The following TBC1D8B variants were observed in gnomAD, a reference collection of about 807,000 sequenced individuals.
TBC1D8B encodes the protein RP11-321G1.1.
Under a neutral mutation model 82.9 loss-of-function variants are expected in TBC1D8B, and 75 were observed. The ratio of observed to expected loss-of-function variants is 0.90; its 90% CI spans 0.75 to 1.10. TBC1D8B has a LOEUF of 1.10. TBC1D8B is among the 50% of genes least tolerant of loss of function. The probability of loss-of-function intolerance (pLI) is 0.00; values close to 1 mark genes in which losing one functional copy is unlikely to be tolerated. For synonymous variants in TBC1D8B, 276 were observed against 276.8 expected (o/e 1.00, Z 0.03); for missense variants, 794 against 796.9 (o/e 1.00, Z 0.04).
chrX:106,822,699 A>T (rs1239666604), intron 4 of TBC1D8B, among the ~76,000 whole-genome samples: 2 of 110,570 alleles, frequency 1.8e-5, no homozygotes, highest in Non-Finnish European at 3.8e-5. Flanking sequence ...ATTTTTTTTA[A>T]AAATTATCTA....
At chrX:106,822,863 G>A (rs1408243232) in intron 4 of TBC1D8B, among the ~76,000 whole-genome samples, 2 of 108,960 alleles carry the variant, frequency 1.8e-5, no homozygotes, top group East Asian at 5.8e-4. Context: ...TACATTAGCT[G>A]GGCATGGTGG....
intron 4 of TBC1D8B, 86 bp from the exon 5 acceptor site, chrX:106,823,140 A>G: frequency 1.0e-6 from 1 of 997,499 alleles, no homozygotes; most frequent in Non-Finnish European, 1.4e-6. Flanking sequence ...TTTTCAAGGG[A>G]TTAACTATTG....
intron 7 of TBC1D8B, among the ~76,000 whole-genome samples, chrX:106,834,417 T>C (rs956980461): frequency 6.3e-5 from 7 of 111,281 alleles, no homozygotes; most frequent in African/African-American, 2.3e-4. Flanking sequence ...ATTATTACAA[T>C]TCAAGGTGAG....
In TBC1D8B at chrX:106,869,454, T is replaced by G. The variant is rs370817329; in HGVS notation, c.2813-31T>G. ...TTTCAAAGAGTATTTGTTAAACATC[T>G]TACAGAATGCAATTACATCTTTTCT... On this transcript the variant is annotated intron_variant, in intron 18 of 20. Coordinates refer to ENST00000357242, the MANE Select transcript of TBC1D8B (RefSeq NM_017752.3). The G allele has an allele frequency of 3.8e-4, 452 of 1,178,321 alleles. No homozygotes were observed. The South Asian group carries it at 4.2e-3, about 11-fold the overall frequency.
At position 106,848,314 on chromosome X, in the gene TBC1D8B, A is replaced by G; in HGVS notation, c.1837+11A>G. Reference sequence around the variant, plus strand: ...ATCGTCGAATTATTGGTAAAAGAAAAACCACACACACACATATGCATACAC... The same window carrying G: ...ATCGTCGAATTATTGGTAAAAGAAAGACCACACACACACATATGCATACAC... On this transcript the variant is annotated intron_variant, in intron 11 of 20. Transcript: ENST00000357242. 9.2e-7 allele frequency: 1 copy of G among 1,091,141 alleles called. No homozygotes were observed. The highest frequency in any genetic ancestry group is 1.3e-6 in the Non-Finnish European group (1 of 794,307). The allele number at this position is 1,091,141 out of a possible 1,213,427, so 89.9% of individuals were successfully genotyped here. A position where few individuals can be genotyped will look rare whatever the true frequency, so the allele number is the denominator to read the frequency against.
At chrX:106,854,636 A>G (rs1215336055) in intron 14 of TBC1D8B, among the ~76,000 whole-genome samples, 1 of 109,419 alleles carries the variant, frequency 9.1e-6, no homozygotes, top group African/African-American at 3.3e-5. Flanking sequence ...TCCTCAGCCT[A>G]CCGAGGAGCT....
intron 1 of TBC1D8B, 184 bp from the exon 2 acceptor site, chrX:106,818,479 T>G (rs765445890): frequency 6.0e-6 from 2 of 332,425 alleles, no homozygotes; most frequent in East Asian, 9.1e-5. Flanking sequence ...CAGATACTAC[T>G]CACATTGGCA....
intron 14 of TBC1D8B, among the ~76,000 whole-genome samples, chrX:106,856,866 G>T (rs1159484893): frequency 1.8e-5 from 2 of 111,318 alleles, no homozygotes; most frequent in African/African-American, 3.3e-5. Context: ...TAATATGAAT[G>T]AGATCATTTT....
chrX:106,864,779 A>T (rs886151172), intron 14 of TBC1D8B, among the ~76,000 whole-genome samples: 2 of 111,024 alleles, frequency 1.8e-5, no homozygotes, highest in East Asian at 5.7e-4. Context: ...TTGGCCTCCC[A>T]AGTGCTGGGA....
At chrX:106,841,999 A>C in intron 10 of TBC1D8B, among the ~76,000 whole-genome samples, 1 of 111,792 alleles carries the variant, frequency 8.9e-6, no homozygotes, top group Non-Finnish European at 1.9e-5. Flanking sequence ...ATGAGCAGCT[A>C]CTATGGAAGA....
At chrX:106,835,700 G>T (rs986060595) in intron 7 of TBC1D8B, among the ~76,000 whole-genome samples, 1 of 111,855 alleles carries the variant, frequency 8.9e-6, no homozygotes, top group Admixed American at 9.5e-5. Context: ...AAGTTCCACA[G>T]ATCTCTAGGG....
chrX:106,806,237 C>A (rs1032902525), intron 1 of TBC1D8B, among the ~76,000 whole-genome samples: 1 of 112,239 alleles, frequency 8.9e-6, no homozygotes, highest in Non-Finnish European at 1.9e-5. Context: ...ATTTGCCTAA[C>A]TTTATCTTAA....
At chrX:106,816,994 A>G (rs1264019883) in intron 1 of TBC1D8B, among the ~76,000 whole-genome samples, 1 of 111,406 alleles carries the variant, frequency 9.0e-6, no homozygotes, top group Non-Finnish European at 1.9e-5. Flanking sequence ...ATTCTTTTTA[A>G]GTGGGTCAAA....
At chrX:106,823,571 GT>G (rs968253956) in intron 5 of TBC1D8B, 105 bp downstream of exon 5, 64 of 909,397 alleles carry the variant, frequency 7.0e-5, no homozygotes, top group Middle Eastern at 4.3e-4. Context: ...ATATGATAGG[GT>G]TTTTTTTGGA....
At position 106,865,839 on chromosome X, in the gene TBC1D8B, T is replaced by G. The variant is rs754746087; in HGVS notation, c.2468T>G (p.Leu823Trp). 8.3e-7 allele frequency: 1 copy of G among 1,207,783 alleles called. No individual in the cohort carries two copies. Among genetic ancestry groups the G allele is most frequent in the South Asian group, 1.8e-5 (1 of 56,609 alleles). The change falls in exon 16 of 21, where the codon TTG (leucine) becomes TGG (tryptophan). Residue 823 changes from leucine to tryptophan, a missense_variant. Transcript: ENST00000357242. ...SCYWCLGCPV[L>W]KHHDPSLPYL... ...TATTGGTGTTTGGGTTGCCCAGTAT[T>G]GAAGCATCATGACCCCAGTCTGCCA...
At chrX:106,854,621 C>T (rs1335641861) in intron 14 of TBC1D8B, among the ~76,000 whole-genome samples, 1 of 110,537 alleles carries the variant, frequency 9.0e-6, no homozygotes, top group African/African-American at 3.3e-5. Context: ...TCAAGAGATC[C>T]TTCTTCCTCA....
chrX:106,802,950 G>T lies in TBC1D8B; in HGVS notation c.97G>T (p.Gly33Cys), dbSNP rs750410955. ...NDYFVLQRRR[G>C]YGEEGGGGLT... is the part of the protein sequence containing the mutation. ...CTACTTCGTGCTGCAGCGGCGTCGG[G>T]GCTACGGGGAGGAAGGCGGAGGGGG... Residue 33 changes from glycine to cysteine, a missense_variant, in exon 1 of 21, where the codon GGC becomes TGC. Transcript: ENST00000357242. 3 of 1,210,374 alleles carry T rather than the reference G, an allele frequency of 2.5e-6. No homozygotes were observed.
In TBC1D8B at chrX:106,864,512, C is replaced by CTT. The variant is rs771983121; in HGVS notation, c.2353-1022_2353-1021dup. On this transcript the variant is annotated intron_variant, in intron 14 of 20. Transcript: ENST00000357242. ...TATTGGCCCCTCCCATGCTGGGCACCTTTTTTTTTTTTTTTTTTTTTTTTT... is the reference window on the plus strand; with the variant it reads ...TATTGGCCCCTCCCATGCTGGGCACCTTTTTTTTTTTTTTTTTTTTTTTTTTT... Among the ~76,000 whole-genome samples, 81 of 82,468 alleles carry CTT rather than the reference C, an allele frequency of 9.8e-4. 5 individuals are homozygous for CTT. The highest frequency in any genetic ancestry group is 2.5e-3 in the African/African-American group (52 of 20,596). 71.6% of individuals were successfully genotyped at this position (82,468 alleles called of 115,157 possible). A position where few individuals can be genotyped will look rare whatever the true frequency, so the allele number is the denominator to read the frequency against.
intron 14 of TBC1D8B, among the ~76,000 whole-genome samples, chrX:106,862,789 T>G (rs915831934): frequency 2.1e-4 from 20 of 96,278 alleles, no homozygotes; most frequent in Non-Finnish European, 2.9e-4. Context: ...TTTTTTTTTT[T>G]TTTTTTTTTT....
Sources: gnomAD v4.1 joint callset for allele counts (sites outside exome capture counted in the v4.1 genomes callset) on GRCh38, gnomAD v4.1.1 for gene constraint, MANE v1.5 for transcripts, NCBI Gene and HGNC (gene_info 2026-07-23, HGNC 2026-07-21) for gene names.